The following COG7 variants were observed in gnomAD, a reference collection of about 807,000 sequenced individuals.
The protein encoded by COG7 is component of oligomeric golgi complex 7.
In COG7, 49 loss-of-function variants were observed where a neutral mutation model predicts 91.5. The observed-to-expected ratio is 0.54, with a 90% confidence interval of 0.43 to 0.68. The LOEUF is 0.68. Among genes scored for constraint, COG7 ranks in the 30% least tolerant of loss-of-function variants. The pLI, the probability that COG7 is intolerant of heterozygous loss-of-function variation, is 0.00. For missense variants in COG7, 895 were observed against 961.3 expected (o/e 0.93, Z 0.91); for synonymous variants, 365 against 388.7 (o/e 0.94, Z 0.72).
intron 7 of COG7, among the ~76,000 whole-genome samples, chr16:23,422,676 T>G (rs940194767): frequency 6.6e-6 from 1 of 152,054 alleles, no homozygotes; most frequent in African/African-American, 2.4e-5. Flanking sequence ...CTTTTTATTT[T>G]TGTGTGTGTT....
chr16:23,433,550 T>C lies in COG7; in HGVS notation c.805A>G (p.Thr269Ala). 6.2e-7 allele frequency: 1 copy of C among 1,614,080 alleles called. No individual in the cohort carries two copies. ...GAWHTQIQWA[T>A]QVFQKPHEVV... ...GAACAAAAATGAGCTGTTACCTGTG[T>C]AGCCCACTGGATTTGTGTGTGCCAA... The change falls in exon 6 of 17, where the codon ACA becomes GCA. Residue 269 changes from threonine (T) to alanine (A), a missense_variant. Transcript: ENST00000307149.
At position 23,430,477 on chromosome 16, in the gene COG7, T is replaced by A. The variant is rs189148417; in HGVS notation, c.810+3068A>T. Among the ~76,000 whole-genome samples, 15 of 149,854 alleles carry A rather than the reference T, an allele frequency of 1.0e-4. No individual in the cohort carries two copies. In the East Asian group the frequency reaches 2.3e-3, roughly 23 times the overall value. On this transcript the variant is annotated intron_variant, in intron 6 of 16. Coordinates refer to ENST00000307149, the MANE Select transcript of COG7 (RefSeq NM_153603.4). Reference sequence around the variant, plus strand: ...ATTTCACAATTTTACCTAAAAAAAATGTAAGTAAACATTGAACTCTAGTTA... The same window carrying A: ...ATTTCACAATTTTACCTAAAAAAAAAGTAAGTAAACATTGAACTCTAGTTA...
At chr16:23,435,679 A>G (rs942659901) in intron 4 of COG7, among the ~76,000 whole-genome samples, 22 of 151,902 alleles carry the variant, frequency 1.4e-4, no homozygotes, top group Admixed American at 5.3e-4. Flanking sequence ...AAAAGAAGGG[A>G]AAAAAAAGCC....
intron 6 of COG7, among the ~76,000 whole-genome samples, chr16:23,428,732 C>T (rs1963888253): frequency 6.7e-6 from 1 of 149,122 alleles, no homozygotes; most frequent in Non-Finnish European, 1.5e-5. Flanking sequence ...CACTCTGTTG[C>T]CCAGGCTGGA....
At chr16:23,389,237 T>C (rs947105180) in intron 16 of COG7, 151 bp from the exon 17 acceptor site, 2 of 845,234 alleles carry the variant, frequency 2.4e-6, no homozygotes, top group Non-Finnish European at 3.7e-6. Context: ...AATAGGCCCT[T>C]TACTCACCAG....
intron 16 of COG7, among the ~76,000 whole-genome samples, chr16:23,390,977 T>A (rs1963186496): frequency 6.6e-6 from 1 of 152,282 alleles, no homozygotes; most frequent in Non-Finnish European, 1.5e-5. Flanking sequence ...TTTTTTGTTC[T>A]GTTTGTGCTC....
At chr16:23,429,589 C>A (rs751998834) in intron 6 of COG7, among the ~76,000 whole-genome samples, 6 of 151,950 alleles carry the variant, frequency 3.9e-5, no homozygotes, top group Non-Finnish European at 7.4e-5. Context: ...CATGAAGAAA[C>A]CCTATCTCTA....
intron 7 of COG7, 79 bp from the exon 8 acceptor site, chr16:23,418,906 G>T: frequency 7.5e-7 from 1 of 1,327,834 alleles, no homozygotes; most frequent in Non-Finnish European, 1.1e-6. Flanking sequence ...ATCAAGAGGC[G>T]CTCTACTAGA....
rs78989692 is a variant in COG7 at position 23,404,152 on chromosome 16, G to A, written c.1663-318C>T. ...AGCAGTTTAGGAAAAATTCACCTGT[G>A]ACCATCCCTCAGGGATAGAGGAGGT... On this transcript the variant is annotated intron_variant, in intron 12 of 16. Transcript: ENST00000307149. Among the ~76,000 whole-genome samples the A allele has an allele frequency of 9.2e-5, 14 of 152,330 alleles. No homozygotes were observed. In the East Asian group the frequency reaches 2.7e-3, roughly 29 times the overall value.
intron 1 of COG7, among the ~76,000 whole-genome samples, chr16:23,449,156 G>A (rs527962907): frequency 2.6e-5 from 4 of 152,120 alleles, no homozygotes; most frequent in Admixed American, 2.6e-4. Flanking sequence ...AAGGTCAGGA[G>A]ATCGAGACCA....
rs1963925724 is a variant in COG7, at chr16:23,431,003, A to G, written c.810+2542T>C. Among the ~76,000 whole-genome samples the G allele has an allele frequency of 3.3e-5, 5 of 151,878 alleles. No individual in the cohort carries two copies. In the South Asian group the frequency reaches 1.0e-3, roughly 32 times the overall value. On this transcript the variant is annotated intron_variant, in intron 6 of 16. Coordinates refer to ENST00000307149, the MANE Select transcript of COG7 (RefSeq NM_153603.4). ...ACATAGTGAGACCCCATCTCTGTTT[A>G]ATTTAATATTTTTATATAAAAAAGA...
chr16:23,434,258 G>A (rs1963979351), intron 5 of COG7, among the ~76,000 whole-genome samples: 1 of 152,048 alleles, frequency 6.6e-6, no homozygotes, highest in African/African-American at 2.4e-5. Flanking sequence ...CGCACTCCAG[G>A]CTGGGCAAAA....
At chr16:23,437,229 G>A (rs1339353665) in intron 4 of COG7, among the ~76,000 whole-genome samples, 4 of 152,080 alleles carry the variant, frequency 2.6e-5, no homozygotes, top group Non-Finnish European at 5.9e-5. Flanking sequence ...CCATGATGCT[G>A]AACCACCAGG....
At chr16:23,452,016 T>C (rs941469843) in intron 1 of COG7, among the ~76,000 whole-genome samples, 4 of 152,160 alleles carry the variant, frequency 2.6e-5, no homozygotes, top group African/African-American at 7.2e-5. Flanking sequence ...TCAAAGCCAA[T>C]TTTCTTTGAC....
chr16:23,393,532 A>T (rs924467275), intron 14 of COG7, 185 bp from the exon 15 acceptor site: 2 of 613,578 alleles, frequency 3.3e-6, no homozygotes, highest in African/African-American at 1.8e-5. Context: ...AATCACTGGT[A>T]GCTTGCATAT....
Position 23,424,631 on chromosome 16 carries a change from C to T in COG7, c.1009+118G>A, listed in dbSNP as rs996110693. 21 of 1,060,104 alleles carry T rather than the reference C, an allele frequency of 2.0e-5. No homozygotes were observed. The East Asian group carries it at 2.6e-4, about 13-fold the overall frequency. The allele number at this position is 1,060,104 out of a possible 1,614,324, so 65.7% of individuals were successfully genotyped here. ...CCACATCTGCTGAGAAGGAAAACAC[C>T]GATCCCTTCCATTTCTGTAAAATCA... On this transcript the variant is annotated intron_variant, in intron 7 of 16. Coordinates refer to ENST00000307149, the MANE Select transcript of COG7 (RefSeq NM_153603.4).
chr16:23,439,337 A>G (rs1964063894), intron 4 of COG7, among the ~76,000 whole-genome samples: 1 of 150,304 alleles, frequency 6.7e-6, no homozygotes, highest in Non-Finnish European at 1.5e-5. Context: ...AGATAAGCAT[A>G]TGATCCAGCA....
intron 14 of COG7, among the ~76,000 whole-genome samples, chr16:23,394,573 G>A (rs915569885): frequency 6.0e-5 from 9 of 151,050 alleles, no homozygotes; most frequent in Non-Finnish European, 1.3e-4. Flanking sequence ...AATTAACTCT[G>A]TAAACTAAAA....
At chr16:23,435,280 T>C (rs1963996952) in intron 4 of COG7, among the ~76,000 whole-genome samples, 1 of 151,942 alleles carries the variant, frequency 6.6e-6, no homozygotes, top group South Asian at 2.1e-4. Flanking sequence ...GGGAGGAGAA[T>C]TGGTTGAACC....
Sources: allele counts gnomAD v4.1 joint callset (sites outside exome capture counted in the v4.1 genomes callset), GRCh38; gene constraint gnomAD v4.1.1; transcripts MANE v1.5; gene names NCBI Gene and HGNC (gene_info 2026-07-23, HGNC 2026-07-21).